The following ZBTB20 variants were observed in gnomAD, a reference collection of about 807,000 sequenced individuals.
ZBTB20 encodes the protein zinc finger and BTB domain containing 20, also known as zinc finger and BTB domain-containing protein 20.
In ZBTB20, 9 loss-of-function variants were observed where a neutral mutation model predicts 56.9. That is an observed-to-expected ratio of 0.16 (90% CI 0.10 to 0.28). The LOEUF is 0.28. ZBTB20 is among the 10% of genes least tolerant of loss of function. The pLI is 1.00. For missense variants in ZBTB20, 655 were observed against 1,003.0 expected, an observed-to-expected ratio of 0.65 and a Z score of 4.69; for synonymous variants, 417 against 420.7, an observed-to-expected ratio of 0.99 and a Z score of 0.11.
chr3:114,638,648 C>T (rs1002499575), intron 6 of ZBTB20, among the ~76,000 whole-genome samples: 3 of 151,864 alleles, frequency 2.0e-5, no homozygotes, highest in African/African-American at 7.3e-5. Flanking sequence ...TAATGAAATT[C>T]TCACACAGAA....
chr3:114,676,069 A>T (rs1021450967), intron 6 of ZBTB20, among the ~76,000 whole-genome samples: 1 of 152,158 alleles, frequency 6.6e-6, no homozygotes, highest in African/African-American at 2.4e-5. Context: ...TAAGTAGAGG[A>T]GTCAGGATTC....
At position 114,332,352 on chromosome 3, in the gene ZBTB20, T is replaced by C. The variant is rs1220632340; in HGVS notation, c.*6653A>G. ...AAAAAAAGTTTAGAGATATACACTG[T>C]ATAGAGAAAGAAAGCTTTTTGCTGG... On this transcript the variant is annotated 3_prime_UTR_variant, in exon 12 of 12. Transcript: ENST00000675478. The C allele has an allele frequency of 6.6e-6, 1 of 152,202 alleles. No individual in the cohort carries two copies. Among genetic ancestry groups the C allele is most frequent in the Non-Finnish European group, 1.5e-5 (1 of 68,034 alleles). 9.4% of individuals were successfully genotyped at this position (152,202 alleles called of 1,614,324 possible). A position where few individuals can be genotyped will look rare whatever the true frequency, so the allele number is the denominator to read the frequency against.
chr3:114,631,867 A>G (rs896856234), intron 6 of ZBTB20, among the ~76,000 whole-genome samples: 15 of 152,186 alleles, frequency 9.9e-5, no homozygotes, highest in African/African-American at 3.1e-4. Context: ...GAGAGAGTAT[A>G]TTCCAAAATA....
intron 6 of ZBTB20, among the ~76,000 whole-genome samples, chr3:114,565,032 T>A (rs890558699): frequency 1.3e-5 from 2 of 152,192 alleles, no homozygotes; most frequent in African/African-American, 4.8e-5. Flanking sequence ...TTAAGCCTCA[T>A]CAGCACATGC....
intron 5 of ZBTB20, among the ~76,000 whole-genome samples, chr3:114,770,735 C>T (rs762654477): frequency 2.6e-5 from 4 of 152,102 alleles, no homozygotes; most frequent in Non-Finnish European, 5.9e-5. Flanking sequence ...GGAAATTATG[C>T]ATAACATTTT....
rs554615556 is a variant in ZBTB20, at chr3:114,402,963, A to C, written c.-254-13858T>G. 4.6e-5 allele frequency among the ~76,000 whole-genome samples: 7 copies of C among 152,274 alleles called. No homozygotes were observed. The South Asian group carries it at 6.2e-4, about 14-fold the overall frequency. On this transcript the variant is annotated intron_variant, in intron 7 of 11. Coordinates refer to ENST00000675478, the MANE Select transcript of ZBTB20 (RefSeq NM_001348800.3). ...ACAGTGGTGTGTCTGGCACCTAAGCAAGGACTTGGTGGGCCAGACACATTT... is the reference window on the plus strand; with the variant it reads ...ACAGTGGTGTGTCTGGCACCTAAGCCAGGACTTGGTGGGCCAGACACATTT...
intron 4 of ZBTB20, among the ~76,000 whole-genome samples, chr3:114,873,427 C>T (rs2076078920): frequency 6.6e-6 from 1 of 151,982 alleles, no homozygotes; most frequent in East Asian, 1.9e-4. Flanking sequence ...TTTTTATTTG[C>T]CATTTGGATC....
chr3:114,660,467 A>C (rs528156691), intron 6 of ZBTB20, among the ~76,000 whole-genome samples: 1 of 152,196 alleles, frequency 6.6e-6, no homozygotes. Flanking sequence ...TCTAGCCACA[A>C]TGGAATTTCC....
At chr3:114,706,111 C>T (rs2063703454) in intron 5 of ZBTB20, among the ~76,000 whole-genome samples, 1 of 151,952 alleles carries the variant, frequency 6.6e-6, no homozygotes. Flanking sequence ...GAGAGACAGA[C>T]TTGAGTTTGA....
intron 11 of ZBTB20, among the ~76,000 whole-genome samples, chr3:114,346,691 T>G (rs928741700): frequency 6.6e-6 from 1 of 151,492 alleles, no homozygotes; most frequent in Non-Finnish European, 1.5e-5. Flanking sequence ...AGATTTTTTT[T>G]TTTTTTTTTT....
At chr3:114,532,803 T>C (rs147015977) in intron 6 of ZBTB20, among the ~76,000 whole-genome samples, 4 of 152,244 alleles carry the variant, frequency 2.6e-5, no homozygotes, top group East Asian at 3.9e-4. Flanking sequence ...ACCGGTAGCA[T>C]TGTTTGCTGT....
intron 1 of ZBTB20, among the ~76,000 whole-genome samples, chr3:115,107,892 T>C (rs1387899340): frequency 2.0e-5 from 3 of 152,062 alleles, no homozygotes; most frequent in African/African-American, 4.8e-5. Flanking sequence ...AACACAGGAA[T>C]AGAAAACACT....
intron 3 of ZBTB20, among the ~76,000 whole-genome samples, chr3:114,951,217 C>T (rs1467868599): frequency 1.3e-5 from 2 of 151,970 alleles, no homozygotes; most frequent in East Asian, 1.9e-4. Context: ...AAAACAATTG[C>T]GACCATAAGA....
At chr3:114,770,157 G>T (rs778969953) in intron 5 of ZBTB20, among the ~76,000 whole-genome samples, 1 of 152,018 alleles carries the variant, frequency 6.6e-6, no homozygotes, top group Non-Finnish European at 1.5e-5. Context: ...AGTGTATGCT[G>T]CTTGGGTGAT....
intron 4 of ZBTB20, among the ~76,000 whole-genome samples, chr3:114,878,497 G>C (rs943061558): frequency 1.0e-4 from 15 of 150,388 alleles, no homozygotes. Context: ...GGGTAAAAGA[G>C]TACTTGAGTC....
intron 1 of ZBTB20, among the ~76,000 whole-genome samples, chr3:115,112,535 C>T (rs1297194097): frequency 1.3e-5 from 2 of 152,182 alleles, no homozygotes; most frequent in Non-Finnish European, 2.9e-5. Flanking sequence ...TTAGCTCCCA[C>T]ATGAGTGAGA....
Position 114,978,786 on chromosome 3 carries a change from T to C in ZBTB20, c.-506-4370A>G, listed in dbSNP as rs72960355. On this transcript the variant is annotated intron_variant, in intron 2 of 11. Coordinates refer to ENST00000675478, the MANE Select transcript of ZBTB20 (RefSeq NM_001348800.3). ...AAGATTATGACAGTTTTTTTCTTCT[T>C]AGAATTTGTTTCCAAATTTTCTGTA... is the stretch of plus-strand genomic sequence containing the variant. 5.6e-3 allele frequency among the ~76,000 whole-genome samples: 857 copies of C among 152,062 alleles called. 12 individuals carry two copies. Among genetic ancestry groups the C allele is most frequent in the African/African-American group, 0.019 (788 of 41,538 alleles).
chr3:114,939,509 G>A (rs2076659055), intron 3 of ZBTB20, among the ~76,000 whole-genome samples: 1 of 146,192 alleles, frequency 6.8e-6, no homozygotes, highest in South Asian at 2.1e-4. Flanking sequence ...GTAATAGGAA[G>A]TTTTTTTGCA....
chr3:115,139,144 AT>A (rs1302113442), intron 1 of ZBTB20, among the ~76,000 whole-genome samples: 1 of 152,008 alleles, frequency 6.6e-6, no homozygotes, highest in East Asian at 1.9e-4. Flanking sequence ...CTACGAGGTG[AT>A]TTATAAAATA....
Sources: allele counts gnomAD v4.1 joint callset (sites outside exome capture counted in the v4.1 genomes callset), GRCh38; gene constraint gnomAD v4.1.1; transcripts MANE v1.5; gene names NCBI Gene and HGNC (gene_info 2026-07-23, HGNC 2026-07-21).